CADM2: variants seen among roughly 807,000 people sequenced by gnomAD.
The protein encoded by CADM2 is cell adhesion molecule 2, also known as immunoglobulin superfamily member 4D.
Under a neutral mutation model 49.8 loss-of-function variants are expected in CADM2, and 12 were observed. The ratio of observed to expected loss-of-function variants is 0.24; its 90% CI spans 0.15 to 0.39. The LOEUF (loss-of-function observed/expected upper bound fraction) is 0.39. CADM2 is among the 10% of genes least tolerant of loss of function. CADM2 has a pLI of 1.00. For missense variants in CADM2, 378 were observed against 492.3 expected (o/e 0.77, Z 2.20); for synonymous variants, 214 against 175.4 (o/e 1.22, Z -1.74).
At chr3:85,229,450 G>A (rs568349814) in intron 1 of CADM2, among the ~76,000 whole-genome samples, 4 of 152,204 alleles carry the variant, frequency 2.6e-5, no homozygotes, top group South Asian at 4.1e-4. Context: ...ACTCGCCCTC[G>A]GTGGGCTGCA....
intron 3 of CADM2, among the ~76,000 whole-genome samples, chr3:85,834,220 T>C (rs1381344997): frequency 1.3e-5 from 2 of 151,666 alleles, no homozygotes; most frequent in Non-Finnish European, 3.0e-5. Context: ...AAAAAAATTA[T>C]TATACTCTTA....
At chr3:85,867,193 T>C (rs2075755315) in intron 3 of CADM2, among the ~76,000 whole-genome samples, 1 of 152,130 alleles carries the variant, frequency 6.6e-6, no homozygotes, top group African/African-American at 2.4e-5. Context: ...TAAGACAGTG[T>C]CTATGTCTAC....
intron 1 of CADM2, among the ~76,000 whole-genome samples, chr3:85,702,525 A>G (rs2066812745): frequency 6.6e-6 from 1 of 152,120 alleles, no homozygotes; most frequent in Non-Finnish European, 1.5e-5. Context: ...TTCAATGTCT[A>G]TAGAAATGTT....
chr3:85,032,459 T>C (rs2035029802), intron 1 of CADM2, among the ~76,000 whole-genome samples: 1 of 152,150 alleles, frequency 6.6e-6, no homozygotes, highest in Non-Finnish European at 1.5e-5. Context: ...ATGCAGAATG[T>C]ACTAAAATTA....
intron 8 of CADM2, among the ~76,000 whole-genome samples, chr3:86,004,367 G>A (rs888366513): frequency 6.6e-6 from 1 of 152,156 alleles, no homozygotes; most frequent in African/African-American, 2.4e-5. Context: ...CAGGATAGTA[G>A]CTCATGTCAG....
chr3:85,483,780 T>C (rs573895849), intron 1 of CADM2, among the ~76,000 whole-genome samples: 1 of 151,526 alleles, frequency 6.6e-6, no homozygotes. Context: ...TTTTTGAAAC[T>C]ACTGTTATTC....
In CADM2 at chr3:86,068,969, A is replaced by G. The variant is rs998319806; in HGVS notation, c.*2186A>G. On this transcript the variant is annotated 3_prime_UTR_variant, in exon 10 of 10. Transcript: ENST00000383699. ...GTTTATAAACTGTTCATATCTTTCAATGCATAATCTTTAGAAAGACTCCAC... is the reference window on the plus strand; with the variant it reads ...GTTTATAAACTGTTCATATCTTTCAGTGCATAATCTTTAGAAAGACTCCAC... The G allele has an allele frequency of 2.0e-5, 3 of 152,042 alleles. No homozygotes were observed. The highest frequency in any genetic ancestry group is 7.2e-5 in the African/African-American group (3 of 41,442). The allele number at this position is 152,042 out of a possible 1,614,324, so 9.4% of individuals were successfully genotyped here. A position where few individuals can be genotyped will look rare whatever the true frequency, so the allele number is the denominator to read the frequency against.
At chr3:85,179,039 A>T (rs2040858650) in intron 1 of CADM2, among the ~76,000 whole-genome samples, 1 of 151,984 alleles carries the variant, frequency 6.6e-6, no homozygotes, top group Admixed American at 6.5e-5. Context: ...TGAAACCAAC[A>T]TGATTATAAT....
At chr3:85,830,922 C>T (rs1352836033) in intron 3 of CADM2, among the ~76,000 whole-genome samples, 2 of 151,474 alleles carry the variant, frequency 1.3e-5, no homozygotes, top group African/African-American at 4.8e-5. Context: ...GCTTGGTTTA[C>T]AAATGATCCC....
intron 1 of CADM2, among the ~76,000 whole-genome samples, chr3:85,158,084 G>GA (rs1272749840): frequency 6.6e-6 from 1 of 152,178 alleles, no homozygotes; most frequent in Non-Finnish European, 1.5e-5. Flanking sequence ...AAAAACACAT[G>GA]AAAAAATGCT....
intron 2 of CADM2, among the ~76,000 whole-genome samples, chr3:85,781,984 G>C (rs2070678312): frequency 6.6e-6 from 1 of 152,204 alleles, no homozygotes; most frequent in Admixed American, 6.5e-5. Flanking sequence ...AGCCACTTAT[G>C]CTTTGCTACT....
chr3:85,627,672 A>C (rs1342435458), intron 1 of CADM2, among the ~76,000 whole-genome samples: 1 of 151,990 alleles, frequency 6.6e-6, no homozygotes, highest in African/African-American at 2.4e-5. Flanking sequence ...TATTGCTTTA[A>C]ATTTGATGCA....
At position 85,820,306 on chromosome 3, in the gene CADM2, A is replaced by C. The variant is rs915131414; in HGVS notation, c.238+18110A>C. On this transcript the variant is annotated intron_variant, in intron 3 of 9. Coordinates refer to ENST00000383699, the MANE Select transcript of CADM2 (RefSeq NM_001167675.2). ...TCATGGGAGTTAGATGATCCTATAA[A>C]CATTTTCACAGTAACACTCAGGCTG... Among the ~76,000 whole-genome samples, 5 of 152,250 alleles carry C rather than the reference A, an allele frequency of 3.3e-5. No individual in the cohort carries two copies. The East Asian group carries it at 9.7e-4, about 29-fold the overall frequency.
intron 1 of CADM2, among the ~76,000 whole-genome samples, chr3:85,342,896 A>G (rs1326867660): frequency 1.3e-5 from 2 of 152,178 alleles, no homozygotes; most frequent in African/African-American, 2.4e-5. Context: ...ATTCCTTATT[A>G]TGAGATTATA....
At chr3:85,260,418 GT>G (rs2042990173) in intron 1 of CADM2, among the ~76,000 whole-genome samples, 1 of 152,116 alleles carries the variant, frequency 6.6e-6, no homozygotes, top group Admixed American at 6.6e-5. Flanking sequence ...AGTTTACTCT[GT>G]GTTTAGGATA....
intron 1 of CADM2, among the ~76,000 whole-genome samples, chr3:85,037,991 A>C (rs2035291731): frequency 6.6e-6 from 1 of 152,244 alleles, no homozygotes; most frequent in East Asian, 1.9e-4. Flanking sequence ...AAAAATAGTT[A>C]TGAGTTCTTA....
chr3:85,185,183 T>C (rs916400355), intron 1 of CADM2, among the ~76,000 whole-genome samples: 5 of 152,104 alleles, frequency 3.3e-5, no homozygotes, highest in Admixed American at 3.3e-4. Flanking sequence ...CTATCTTTTT[T>C]TGGCTGGGAT....
intron 2 of CADM2, among the ~76,000 whole-genome samples, chr3:85,760,000 C>A (rs570247725): frequency 6.6e-6 from 1 of 152,014 alleles, no homozygotes; most frequent in Non-Finnish European, 1.5e-5. Context: ...GGTAAAGAGA[C>A]CCCTCCAGTA....
intron 1 of CADM2, among the ~76,000 whole-genome samples, chr3:85,010,798 A>G (rs1407275220): frequency 7.0e-6 from 1 of 143,456 alleles, no homozygotes; most frequent in African/African-American, 2.6e-5. Flanking sequence ...GAATTTTCTT[A>G]GAATATTCAC....
Sources: gnomAD v4.1 joint callset for allele counts (sites outside exome capture counted in the v4.1 genomes callset) on GRCh38, gnomAD v4.1.1 for gene constraint, MANE v1.5 for transcripts, NCBI Gene and HGNC (gene_info 2026-07-23, HGNC 2026-07-21) for gene names.